NRBP1: variants seen among roughly 807,000 people sequenced by gnomAD.
NRBP1 encodes nuclear receptor-binding protein.
In NRBP1, 10 loss-of-function variants were observed where a neutral mutation model predicts 76.0. That is an observed-to-expected ratio of 0.13 (90% CI 0.08 to 0.22). The LOEUF is 0.22. NRBP1 is among the 10% of genes least tolerant of loss of function. The probability of loss-of-function intolerance (pLI) is 1.00; values close to 1 mark genes in which losing one functional copy is unlikely to be tolerated. For missense variants in NRBP1, 344 were observed against 646.0 expected, an observed-to-expected ratio of 0.53 and a Z score of 5.07; for synonymous variants, 235 against 240.2, an observed-to-expected ratio of 0.98 and a Z score of 0.20.
At chr2:27,439,995 CTTTTTTT>C (rs70953859) in intron 11 of NRBP1, 97 bp downstream of exon 11, 9 of 459,780 alleles carry the variant, frequency 2.0e-5, no homozygotes, top group South Asian at 5.9e-5. Flanking sequence ...CAAAGGGATT[CTTTTTTT>C]TTTTTTTTTT....
At chr2:27,435,718 A>T in intron 7 of NRBP1, 1 of 717,506 alleles carries the variant, frequency 1.4e-6, no homozygotes, top group Non-Finnish European at 2.6e-6. Flanking sequence ...CTCTGTTCCC[A>T]ACAGTCTTTC....
intron 16 of NRBP1, 82 bp downstream of exon 16, chr2:27,441,412 C>A: frequency 6.9e-7 from 1 of 1,455,752 alleles, no homozygotes; most frequent in Non-Finnish European, 9.6e-7. Flanking sequence ...GGGGAGGTGA[C>A]AAGGCAGTAA....
rs1664289244 is a variant in NRBP1, at chr2:27,435,908, C to CCCCTTCATAACCTGCTTGT, written c.661+682_661+700dup. The CCCCTTCATAACCTGCTTGT allele has an allele frequency of 4.5e-6, 3 of 662,558 alleles. No homozygotes were observed. In the Admixed American group the frequency reaches 6.5e-5, roughly 14 times the overall value. The allele number at this position is 662,558 out of a possible 1,614,324, so 41.0% of individuals were successfully genotyped here. On this transcript the variant is annotated intron_variant, in intron 7 of 17. Transcript: ENST00000379852. ...GCCCTGCCAGCCCTCCGCCTGCTTG[C>CCCCTTCATAACCTGCTTGT]CCCTTCATAACCTGCTTGTTTCCTG...
At position 27,433,491 on chromosome 2, in the gene NRBP1, T is replaced by C; in HGVS notation, c.210+8T>C. 1 of 1,613,546 alleles carries C rather than the reference T, an allele frequency of 6.2e-7. No individual in the cohort carries two copies. The highest frequency in any genetic ancestry group is 8.5e-7 in the Non-Finnish European group (1 of 1,179,752). On this transcript the variant is annotated splice_region_variant and intron_variant, in intron 2 of 17. Coordinates refer to ENST00000379852, the MANE Select transcript of NRBP1 (RefSeq NM_013392.4). ...CAGAAGAGGCGAGAAGAGGTAAGGT[T>C]ATGGTACAGTTACTCTTGGGTGAGT...
chr2:27,437,014 C>T (rs748319359), intron 8 of NRBP1, 33 bp from the exon 9 acceptor site: 4 of 1,600,532 alleles, frequency 2.5e-6, no homozygotes, highest in South Asian at 1.1e-5. Context: ...CCCCAATCCT[C>T]TGATTAACCA....
chr2:27,429,963 G>C (rs1664039275), intron 1 of NRBP1, among the ~76,000 whole-genome samples: 1 of 152,174 alleles, frequency 6.6e-6, no homozygotes, highest in African/African-American at 2.4e-5. Context: ...AGCTGCTCAA[G>C]GAAGTAACTA....
chr2:27,428,615 G>C (rs1400789010), upstream of NRBP1: 1 of 397,814 alleles, frequency 2.5e-6, no homozygotes, highest in Non-Finnish European at 4.4e-6. Flanking sequence ...CGCCGCGAGG[G>C]CGGGGCCCGC....
chr2:27,435,520 C>T, intron 7 of NRBP1: 1 of 628,100 alleles, frequency 1.6e-6, no homozygotes, highest in South Asian at 1.8e-5. Context: ...GTCCTGGGGC[C>T]AGACCCTGCC....
intron 7 of NRBP1, chr2:27,435,639 T>C: frequency 1.4e-6 from 1 of 717,340 alleles, no homozygotes. Context: ...GTGTGTCCAT[T>C]TGTCTGGGGC....
chr2:27,441,887 C>T lies in NRBP1; in HGVS notation c.*75C>T, dbSNP rs1021238151. ...GCTGCAGCCCTCCTGTCCCTTCCCC[C>T]CAGTCAGTATTACCCTGTGAAGCCC... On this transcript the variant is annotated 3_prime_UTR_variant, in exon 18 of 18. Transcript: ENST00000379852. The T allele has an allele frequency of 2.3e-6, 2 of 875,632 alleles. No homozygotes were observed. Among genetic ancestry groups the T allele is most frequent in the Admixed American group, 4.1e-5 (2 of 49,012 alleles). The allele number at this position is 875,632 out of a possible 1,614,324, so 54.2% of individuals were successfully genotyped here. A position where few individuals can be genotyped will look rare whatever the true frequency, so the allele number is the denominator to read the frequency against.
chr2:27,435,783 GTGCTCCCTC>G (rs1664284008), intron 7 of NRBP1: 1 of 717,442 alleles, frequency 1.4e-6, no homozygotes, highest in Non-Finnish European at 2.6e-6. Context: ...GGCTCTGTTT[GTGCTCCCTC>G]TGCTCCCTTG....
upstream of NRBP1, chr2:27,428,394 T>C (rs186321567): frequency 2.6e-3 from 920 of 359,298 alleles, 4 homozygotes; most frequent in African/African-American, 0.018. Flanking sequence ...CTGGGGCACC[T>C]GGACCGGGCG....
rs1484188404 is a variant in NRBP1, at chr2:27,437,791, T to C, written c.903+431T>C. ...AGGAGGCTGAGGCAGGAGAATGGCA[T>C]GAACCCGGGAGGCAAAGCTTGCAGT... On this transcript the variant is annotated intron_variant, in intron 10 of 17. Coordinates refer to ENST00000379852, the MANE Select transcript of NRBP1 (RefSeq NM_013392.4). 2.0e-5 allele frequency among the ~76,000 whole-genome samples: 3 copies of C among 151,564 alleles called. No homozygotes were observed. In the South Asian group the frequency reaches 6.3e-4, roughly 32 times the overall value.
intron 1 of NRBP1, chr2:27,429,093 G>T (rs1318616794): frequency 1.2e-5 from 2 of 162,074 alleles, no homozygotes; most frequent in Admixed American, 1.3e-4. Flanking sequence ...GAAGCTCGGC[G>T]GCCTGGCCTG....
In NRBP1 at chr2:27,441,878, C is replaced by G; in HGVS notation, c.*66C>G. On this transcript the variant is annotated 3_prime_UTR_variant, in exon 18 of 18. Transcript: ENST00000379852. ...CCTGGACGTGCTGCAGCCCTCCTGT[C>G]CCTTCCCCCCAGTCAGTATTACCCT... The G allele has an allele frequency of 2.1e-6, 2 of 933,826 alleles. No homozygotes were observed. The highest frequency in any genetic ancestry group is 3.4e-6 in the Non-Finnish European group (2 of 585,908). 57.8% of individuals were successfully genotyped at this position (933,826 alleles called of 1,614,324 possible).
At chr2:27,435,036 G>A (rs1664251173) in intron 6 of NRBP1, 97 bp from the exon 7 acceptor site, 11 of 724,450 alleles carry the variant, frequency 1.5e-5, no homozygotes, top group South Asian at 8.4e-5. Context: ...TCTTTATGGT[G>A]ACCAGCAGGA....
chr2:27,441,863 C>T lies in NRBP1; in HGVS notation c.*51C>T, dbSNP rs573033458. On this transcript the variant is annotated 3_prime_UTR_variant, in exon 18 of 18. Coordinates refer to ENST00000379852, the MANE Select transcript of NRBP1 (RefSeq NM_013392.4). ...TGCGCTGTGGCTGTCCCTGGACGTG[C>T]TGCAGCCCTCCTGTCCCTTCCCCCC... 2.7e-6 allele frequency: 3 copies of T among 1,116,716 alleles called. No homozygotes were observed. The highest frequency in any genetic ancestry group is 3.7e-5 in the Admixed American group (2 of 53,974). 69.2% of individuals were successfully genotyped at this position (1,116,716 alleles called of 1,614,324 possible).
chr2:27,431,364 T>G (rs1341898685), intron 1 of NRBP1, among the ~76,000 whole-genome samples: 1 of 152,186 alleles, frequency 6.6e-6, no homozygotes, highest in Admixed American at 6.5e-5. Flanking sequence ...CTTCAGAGCC[T>G]TTGAGCAATG....
chr2:27,439,714 C>T (rs1458922684), intron 10 of NRBP1, 52 bp from the exon 11 acceptor site: 3 of 1,605,852 alleles, frequency 1.9e-6, no homozygotes, highest in African/African-American at 1.3e-5. Flanking sequence ...TAAAGATGAA[C>T]ACACTGGGGG....
Sources: allele counts gnomAD v4.1 joint callset (sites outside exome capture counted in the v4.1 genomes callset), GRCh38; gene constraint gnomAD v4.1.1; transcripts MANE v1.5; gene names NCBI Gene and HGNC (gene_info 2026-07-23, HGNC 2026-07-21).